Variants in ZNF814 observed in about 807,000 individuals in gnomAD.
ZNF814 encodes zinc finger protein 814.
ZNF814 carries 5 observed loss-of-function variants against 7.5 expected under a neutral mutation model. The observed-to-expected ratio is 0.67, with a 90% confidence interval of 0.35 to 1.40. ZNF814 has a LOEUF of 1.40. Ranked by LOEUF, ZNF814 falls within the 40% of genes most tolerant of loss-of-function variation. The pLI, the probability that ZNF814 is intolerant of heterozygous loss-of-function variation, is 0.04. For synonymous variants in ZNF814, 315 were observed against 340.7 expected (o/e 0.92, Z 0.83); for missense variants, 962 against 1,018.0 (o/e 0.94, Z 0.75).
intron 1 of ZNF814, among the ~76,000 whole-genome samples, chr19:57,883,660 CA>C (rs112035326): frequency 0.71 from 92,468 of 129,378 alleles, 31,320 homozygotes; most frequent in Admixed American, 0.73. Context: ...GACCCTGTCT[CA>C]AAAAAAAAAA....
chr19:57,888,804 G>A lies in ZNF814; in HGVS notation c.-2C>T. 1 of 1,551,832 alleles carries A rather than the reference G, an allele frequency of 6.4e-7. No individual in the cohort carries two copies. Among genetic ancestry groups the A allele is most frequent in the Non-Finnish European group, 8.7e-7 (1 of 1,147,078 alleles). On this transcript the variant is annotated 5_prime_UTR_variant, in exon 1 of 3. Transcript: ENST00000435989. ...CCTCAGCGTAGCCGCGGCAGCCATCGAACCACGTGGTTTTAAGCAGAGTCG... is the reference window on the plus strand; with the variant it reads ...CCTCAGCGTAGCCGCGGCAGCCATCAAACCACGTGGTTTTAAGCAGAGTCG...
At chr19:57,889,558 T>A (rs188397345), upstream of ZNF814, among the ~76,000 whole-genome samples, 381 of 151,052 alleles carry the variant, frequency 2.5e-3, 2 homozygotes, top group Middle Eastern at 0.014. Flanking sequence ...GAACGAGACC[T>A]CTTATCTAAA....
rs1004059214 is a variant in ZNF814, at chr19:57,878,461, CTTT to C, written c.37-1422_37-1420del. On this transcript the variant is annotated intron_variant, in intron 1 of 2. Transcript: ENST00000435989. Reference sequence around the variant, plus strand: ...GGCTTCAGAGGCTAGGATACATTACCTTTTTTTTTTTTTTTTTGTGATGGAGTC... The same window carrying C: ...GGCTTCAGAGGCTAGGATACATTACCTTTTTTTTTTTTTTGTGATGGAGTC... 1.3e-3 allele frequency among the ~76,000 whole-genome samples: 175 copies of C among 138,280 alleles called. 4 individuals are homozygous for C. The East Asian group carries it at 0.032, about 25-fold the overall frequency. The allele number at this position is 138,280 out of a possible 152,430, so 90.7% of individuals were successfully genotyped here. A position where few individuals can be genotyped will look rare whatever the true frequency, so the allele number is the denominator to read the frequency against.
chr19:57,875,657 C>G (rs531448681), intron 2 of ZNF814, among the ~76,000 whole-genome samples: 7 of 152,226 alleles, frequency 4.6e-5, no homozygotes, highest in African/African-American at 1.7e-4. Context: ...GGAGAGAACA[C>G]TGTAGATGGT....
chr19:57,884,531 T>G (rs764816786), intron 1 of ZNF814, among the ~76,000 whole-genome samples: 3 of 152,164 alleles, frequency 2.0e-5, no homozygotes, highest in Admixed American at 2.0e-4. Context: ...GGTAGCAGGA[T>G]AGCCTGAGCC....
At chr19:57,894,023 CA>C (rs1215109416), upstream of ZNF814, among the ~76,000 whole-genome samples, 1 of 150,978 alleles carries the variant, frequency 6.6e-6, no homozygotes. Context: ...GTGGAGGTTA[CA>C]GTGAGCTGAG....
At chr19:57,885,703 C>T (rs765436248) in intron 1 of ZNF814, among the ~76,000 whole-genome samples, 1 of 147,500 alleles carries the variant, frequency 6.8e-6, no homozygotes, top group African/African-American at 2.5e-5. Flanking sequence ...GAGAATAAGA[C>T]CTAGAAAAAG....
intron 1 of ZNF814, among the ~76,000 whole-genome samples, chr19:57,886,558 AG>A (rs2071695251): frequency 6.6e-6 from 1 of 151,650 alleles, no homozygotes; most frequent in African/African-American, 2.4e-5. Context: ...TCTGCCATCA[AG>A]GGTAAGATGC....
chr19:57,873,726 T>C lies in ZNF814; in HGVS notation c.1664A>G (p.Lys555Arg), dbSNP rs763230200. Residue 555 changes from lysine to arginine, a missense_variant, in exon 3 of 3, where the codon AAA becomes AGA. Coordinates refer to ENST00000435989, the MANE Select transcript of ZNF814 (RefSeq NM_001144989.2). ...GAGGGTGCCTTTATGACTAAAAGAT[T>C]TCCCACACTCTCCACACTCATAAAG... Reference protein sequence around the residue: ...DRLYECGECGKSFSHKGTLIL... With the variant: ...DRLYECGECGRSFSHKGTLIL... 3.1e-6 allele frequency: 5 copies of C among 1,613,472 alleles called. No individual in the cohort carries two copies. The highest frequency in any genetic ancestry group is 4.2e-6 in the Non-Finnish European group (5 of 1,179,744).
chr19:57,901,727 G>C, the ZNF814 span: 1 of 398,636 alleles, frequency 2.5e-6, no homozygotes, highest in Non-Finnish European at 4.4e-6. Context: ...TGAGAGCACA[G>C]AACAAATCAA....
intron 1 of ZNF814, among the ~76,000 whole-genome samples, chr19:57,878,808 T>G (rs2071630374): frequency 6.6e-6 from 1 of 152,152 alleles, no homozygotes; most frequent in Non-Finnish European, 1.5e-5. Context: ...GTCTCACACC[T>G]GTAATCCCAG....
At chr19:57,889,614 C>T (rs954456089), upstream of ZNF814, among the ~76,000 whole-genome samples, 1 of 152,096 alleles carries the variant, frequency 6.6e-6, no homozygotes, top group African/African-American at 2.4e-5. Flanking sequence ...CCCGTAATCC[C>T]AGCACTTTGG....
At chr19:57,889,616 G>A (rs1411727840), upstream of ZNF814, among the ~76,000 whole-genome samples, 1 of 152,106 alleles carries the variant, frequency 6.6e-6, no homozygotes, top group East Asian at 1.9e-4. Flanking sequence ...CGTAATCCCA[G>A]CACTTTGGGA....
At chr19:57,888,448 T>G (rs888486087) in intron 1 of ZNF814, among the ~76,000 whole-genome samples, 1 of 152,172 alleles carries the variant, frequency 6.6e-6, no homozygotes, top group African/African-American at 2.4e-5. Flanking sequence ...TCTAGGGTCC[T>G]CACGTGAGTT....
upstream of ZNF814, among the ~76,000 whole-genome samples, chr19:57,890,162 C>T (rs1187351507): frequency 2.0e-5 from 3 of 152,244 alleles, no homozygotes; most frequent in East Asian, 3.9e-4. Flanking sequence ...TTAAAATGAA[C>T]GTGTAAACAC....
chr19:57,893,155 T>G (rs2071741514), upstream of ZNF814, among the ~76,000 whole-genome samples: 1 of 151,780 alleles, frequency 6.6e-6, no homozygotes, highest in South Asian at 2.1e-4. Context: ...GGTAAGAATT[T>G]CTTTTTTGTT....
At position 57,876,917 on chromosome 19, in the gene ZNF814, C is replaced by A. The variant is rs1002020089; in HGVS notation, c.162G>T (p.Leu54=). 6 of 1,613,974 alleles carry A rather than the reference C, an allele frequency of 3.7e-6. No homozygotes were observed. The African/African-American group carries it at 4.0e-5, about 11-fold the overall frequency. ...ACAGGGTGAGTGTGAGCAACTTACC[C>A]AGGGAGGATATAAGTGCCAGGTTCT... ...TLENLALISS[L]GCWCGVEDEA... The change falls in exon 2 of 3, where the codon CTG becomes CTT. Residue 54 remains leucine, a splice_region_variant and synonymous_variant. Transcript: ENST00000435989.
Position 57,873,026 on chromosome 19 carries a change from T to G in ZNF814, c.2364A>C (p.Thr788=). Residue 788 remains threonine, a synonymous_variant, in exon 3 of 3, where the codon ACA becomes ACC. Coordinates refer to ENST00000435989, the MANE Select transcript of ZNF814 (RefSeq NM_001144989.2). ...CTCCAGTGTGAACTCTTTTGTGTTT[T>G]GTGAAACTGGAGCTTTCAGCGAAAG... ...GKSFAESSSF[T]KHKRVHTGEK... is the part of the protein sequence containing the mutation. 2 of 1,612,232 alleles carry G rather than the reference T, an allele frequency of 1.2e-6. No homozygotes were observed. The highest frequency in any genetic ancestry group is 1.7e-6 in the Non-Finnish European group (2 of 1,179,368).
In ZNF814 at chr19:57,874,731, A is replaced by C; in HGVS notation, c.659T>G (p.Met220Arg). The C allele has an allele frequency of 6.2e-7, 1 of 1,606,134 alleles. No homozygotes were observed. The highest frequency in any genetic ancestry group is 1.3e-5 in the African/African-American group (1 of 74,970). ...GGAHYSCGES[M>R]KHFSTKHILS... ...TATATGTTTGGTGCTAAAATGTTTCATGGATTCTCCACAGCTGTAGTGAGC... is the reference window on the plus strand; with the variant it reads ...TATATGTTTGGTGCTAAAATGTTTCCTGGATTCTCCACAGCTGTAGTGAGC... The change falls in exon 3 of 3, where the codon ATG (methionine) becomes AGG (arginine). Residue 220 changes from methionine (M) to arginine (R), a missense_variant. Around this residue, in one of 7 missense-constraint regions of ZNF814, gnomAD observed 126 missense variants for 123.5 expected, o/e 1.02. Transcript: ENST00000435989.
Sources: gnomAD v4.1 joint callset for allele counts (sites outside exome capture counted in the v4.1 genomes callset) on GRCh38, gnomAD v4.1.1 for gene constraint, gnomAD v4.1.1 regional missense constraint, MANE v1.5 for transcripts, NCBI Gene and HGNC (gene_info 2026-07-23, HGNC 2026-07-21) for gene names.